The following AP3B1 variants were observed in gnomAD, a reference collection of about 807,000 sequenced individuals.
The protein encoded by AP3B1 is adaptor related protein complex 3 subunit beta 1.
A neutral mutation model predicts 132.5 loss-of-function variants in AP3B1; 61 were observed. The observed-to-expected ratio is 0.46, with a 90% CI of 0.37 to 0.57. AP3B1 has a LOEUF of 0.57. AP3B1 is among the 20% of genes least tolerant of loss of function. The pLI is 0.00. For missense variants in AP3B1, 1,120 were observed against 1,289.4 expected (o/e 0.87, Z 2.01); for synonymous variants, 388 against 438.3 (o/e 0.89, Z 1.43).
chr5:78,174,608 G>T (rs982137712), intron 11 of AP3B1, among the ~76,000 whole-genome samples: 1 of 152,210 alleles, frequency 6.6e-6, no homozygotes, highest in Non-Finnish European at 1.5e-5. Context: ...TCGTCCCAGA[G>T]GGGCAACCAC....
Position 78,132,243 on chromosome 5 carries a change from T to A in AP3B1, c.1651-2936A>T, listed in dbSNP as rs1218846354. The stretch of plus-strand genomic sequence containing the variant: ...CATTTCTCTTCCATAGTTTTCTTAA[T>A]TAAATAAGAACATTGATTTTTACCA... On this transcript the variant is annotated intron_variant, in intron 15 of 26. Transcript: ENST00000255194. Among the ~76,000 whole-genome samples, 5 of 152,188 alleles carry A rather than the reference T, an allele frequency of 3.3e-5. No individual in the cohort carries two copies. In the South Asian group the frequency reaches 1.0e-3, roughly 31 times the overall value.
chr5:78,291,795 G>A (rs1561225502), intron 1 of AP3B1, among the ~76,000 whole-genome samples: 1 of 151,504 alleles, frequency 6.6e-6, no homozygotes, highest in Admixed American at 6.6e-5. Context: ...AAATGCTTGG[G>A]AAAAAAAACA....
intron 3 of AP3B1, among the ~76,000 whole-genome samples, chr5:78,232,480 T>C (rs947673084): frequency 6.6e-6 from 1 of 152,146 alleles, no homozygotes; most frequent in African/African-American, 2.4e-5. Flanking sequence ...TCAACCCACT[T>C]AGGACCCTGA....
At chr5:78,088,961 CAG>C (rs970223537) in intron 22 of AP3B1, 6 of 158,998 alleles carry the variant, frequency 3.8e-5, no homozygotes, top group South Asian at 1.7e-4. Context: ...AAAAATAAGA[CAG>C]AAAAAAAAAT....
chr5:78,153,657 A>G (rs184546813), intron 14 of AP3B1, among the ~76,000 whole-genome samples: 48 of 151,908 alleles, frequency 3.2e-4, no homozygotes, highest in Admixed American at 3.9e-4. Context: ...TTTTCCTTTT[A>G]ATGCAGGTGG....
intron 17 of AP3B1, among the ~76,000 whole-genome samples, chr5:78,117,754 A>G (rs1177595723): frequency 6.6e-6 from 1 of 152,226 alleles, no homozygotes; most frequent in Non-Finnish European, 1.5e-5. Context: ...TAGTAACAGC[A>G]TTTACTAATA....
At chr5:78,023,130 C>T (rs1051264760) in intron 24 of AP3B1, among the ~76,000 whole-genome samples, 1 of 152,136 alleles carries the variant, frequency 6.6e-6, no homozygotes, top group Non-Finnish European at 1.5e-5. Context: ...AAACTTCACA[C>T]CTTCTAATGT....
chr5:78,166,047 G>A (rs2112378423), intron 11 of AP3B1, among the ~76,000 whole-genome samples: 1 of 151,184 alleles, frequency 6.6e-6, no homozygotes, highest in South Asian at 2.1e-4. Flanking sequence ...TGGAACCCAG[G>A]AGGCAGAGGT....
intron 20 of AP3B1, among the ~76,000 whole-genome samples, chr5:78,104,054 C>G (rs961406251): frequency 6.6e-6 from 1 of 151,990 alleles, no homozygotes; most frequent in African/African-American, 2.4e-5. Context: ...AAATTTGAAA[C>G]TATAAAATAG....
intron 7 of AP3B1, among the ~76,000 whole-genome samples, chr5:78,185,519 G>A (rs1005054693): frequency 6.6e-6 from 1 of 152,138 alleles, no homozygotes; most frequent in Non-Finnish European, 1.5e-5. Flanking sequence ...AGACTGTGAT[G>A]GTAAGATGAT....
At chr5:78,243,609 G>A (rs551999363) in intron 2 of AP3B1, among the ~76,000 whole-genome samples, 29 of 152,184 alleles carry the variant, frequency 1.9e-4, no homozygotes, top group Non-Finnish European at 4.0e-4. Context: ...GTAGTATCGG[G>A]GGATGAGAAG....
At chr5:78,139,722 G>T (rs1753064290) in intron 15 of AP3B1, among the ~76,000 whole-genome samples, 1 of 152,156 alleles carries the variant, frequency 6.6e-6, no homozygotes, top group Admixed American at 6.5e-5. Context: ...AATAAGTGTG[G>T]TCTATGGGGA....
intron 1 of AP3B1, among the ~76,000 whole-genome samples, chr5:78,284,513 T>C (rs568605041): frequency 6.6e-6 from 1 of 152,310 alleles, no homozygotes; most frequent in Non-Finnish European, 1.5e-5. Context: ...CAATTTGTCC[T>C]AAAAGGACTA....
At chr5:78,248,043 G>A (rs1747450416) in intron 2 of AP3B1, among the ~76,000 whole-genome samples, 1 of 152,132 alleles carries the variant, frequency 6.6e-6, no homozygotes, top group Non-Finnish European at 1.5e-5. Flanking sequence ...AGCAATAGCG[G>A]TTTAAATGAA....
chr5:78,169,786 T>C (rs1212397122), intron 11 of AP3B1, among the ~76,000 whole-genome samples: 3 of 152,034 alleles, frequency 2.0e-5, no homozygotes, highest in East Asian at 1.9e-4. Context: ...CATTAAGTTT[T>C]AGGGTATATG....
intron 2 of AP3B1, among the ~76,000 whole-genome samples, chr5:78,248,823 T>A (rs1489756535): frequency 6.6e-6 from 1 of 152,228 alleles, no homozygotes; most frequent in East Asian, 1.9e-4. Flanking sequence ...TATAGAGTTC[T>A]GGGTTAACAG....
At chr5:78,105,848 G>A (rs959510204) in intron 20 of AP3B1, among the ~76,000 whole-genome samples, 1 of 152,090 alleles carries the variant, frequency 6.6e-6, no homozygotes, top group African/African-American at 2.4e-5. Flanking sequence ...AAACAAACAT[G>A]GCACCTGAAT....
intron 22 of AP3B1, among the ~76,000 whole-genome samples, chr5:78,054,500 A>G (rs252792): frequency 0.27 from 41,335 of 152,120 alleles, 6,292 homozygotes; most frequent in Admixed American, 0.4. Flanking sequence ...TGGTAGTAAC[A>G]ATGATTTCGT....
Position 78,003,471 on chromosome 5 carries a change from G to A in AP3B1, c.3132-416C>T, listed in dbSNP as rs530762190. The A allele has an allele frequency of 3.8e-6, 3 of 799,412 alleles. No homozygotes were observed. The South Asian group carries it at 1.7e-4, about 46-fold the overall frequency. 49.5% of individuals were successfully genotyped at this position (799,412 alleles called of 1,614,324 possible). A position where few individuals can be genotyped will look rare whatever the true frequency, so the allele number is the denominator to read the frequency against. On this transcript the variant is annotated intron_variant, in intron 26 of 26. Transcript: ENST00000255194. ...TAAGAAAAGGTACCTTTCTCAAAGA[G>A]CTTCAAAATTTAACTCCTCATATCT...
Sources: gnomAD v4.1 joint callset for allele counts (sites outside exome capture counted in the v4.1 genomes callset) on GRCh38, gnomAD v4.1.1 for gene constraint, MANE v1.5 for transcripts, NCBI Gene and HGNC (gene_info 2026-07-23, HGNC 2026-07-21) for gene names.